The following LHFPL6 variants were observed in gnomAD, a reference collection of about 807,000 sequenced individuals.
The protein encoded by LHFPL6 is LHFPL tetraspan subfamily member 6.
In LHFPL6, 9 loss-of-function variants were observed where a neutral mutation model predicts 20.6. The ratio of observed to expected loss-of-function variants is 0.44; its 90% CI spans 0.26 to 0.76. The LOEUF (loss-of-function observed/expected upper bound fraction) is 0.76, where lower values mean the gene tolerates loss of function less well. Among genes scored for constraint, LHFPL6 ranks in the 30% least tolerant of loss-of-function variants. The probability of loss-of-function intolerance (pLI) is 0.20; values close to 1 mark genes in which losing one functional copy is unlikely to be tolerated. For synonymous variants in LHFPL6, 105 were observed against 98.7 expected (o/e 1.06, Z -0.38); for missense variants, 218 against 253.5 (o/e 0.86, Z 0.95).
intron 3 of LHFPL6, among the ~76,000 whole-genome samples, chr13:39,375,398 G>A (rs1870262192): frequency 6.6e-6 from 1 of 152,184 alleles, no homozygotes; most frequent in South Asian, 2.1e-4. Context: ...CATAGAGAGT[G>A]AACAGGGATG....
chr13:39,529,872 C>A (rs559383739), intron 2 of LHFPL6, among the ~76,000 whole-genome samples: 1 of 151,684 alleles, frequency 6.6e-6, no homozygotes, highest in Non-Finnish European at 1.5e-5. Flanking sequence ...CAACACAATG[C>A]GAAAGAAAAA....
intron 2 of LHFPL6, among the ~76,000 whole-genome samples, chr13:39,490,131 G>A (rs2138453057): frequency 6.6e-6 from 1 of 151,958 alleles, no homozygotes; most frequent in Non-Finnish European, 1.5e-5. Context: ...GAATTAAGAA[G>A]ATCCTATACA....
intron 2 of LHFPL6, among the ~76,000 whole-genome samples, chr13:39,584,228 G>C (rs1357595305): frequency 1.3e-5 from 2 of 152,112 alleles, no homozygotes. Context: ...AAATACATTT[G>C]TTGAATAAGT....
chr13:39,398,463 G>GTAAA (rs1204298887), intron 2 of LHFPL6, among the ~76,000 whole-genome samples: 1 of 152,146 alleles, frequency 6.6e-6, no homozygotes, highest in Non-Finnish European at 1.5e-5. Context: ...TCCCTAAAGG[G>GTAAA]TAAAGCCTTT....
intron 2 of LHFPL6, among the ~76,000 whole-genome samples, chr13:39,388,797 T>C (rs1221817663): frequency 6.6e-6 from 1 of 152,208 alleles, no homozygotes; most frequent in African/African-American, 2.4e-5. Flanking sequence ...CTTGGCATCA[T>C]GAAGTAGAAT....
At chr13:39,371,518 G>C (rs980722263) in intron 3 of LHFPL6, among the ~76,000 whole-genome samples, 3 of 152,164 alleles carry the variant, frequency 2.0e-5, no homozygotes, top group East Asian at 3.9e-4. Flanking sequence ...GCCAGATGCT[G>C]TGACACTATG....
intron 2 of LHFPL6, among the ~76,000 whole-genome samples, chr13:39,519,473 C>T (rs1377709861): frequency 9.2e-5 from 14 of 152,122 alleles, no homozygotes; most frequent in Non-Finnish European, 1.6e-4. Context: ...AAACGTTACA[C>T]GCATTAGTTT....
intron 2 of LHFPL6, among the ~76,000 whole-genome samples, chr13:39,379,541 T>C (rs1870384121): frequency 6.6e-6 from 1 of 152,152 alleles, no homozygotes. Context: ...GGAATGTATC[T>C]AGGAAAGGAG....
intron 2 of LHFPL6, among the ~76,000 whole-genome samples, chr13:39,543,846 T>A (rs1870888048): frequency 6.6e-6 from 1 of 152,192 alleles, no homozygotes; most frequent in Non-Finnish European, 1.5e-5. Context: ...TAATGCCAAT[T>A]TGTGTAAAGC....
chr13:39,502,459 A>C (rs1238295875), intron 2 of LHFPL6, among the ~76,000 whole-genome samples: 2 of 14,692 alleles, frequency 1.4e-4, no homozygotes, highest in East Asian at 6.6e-3. Context: ...TCTCTACAAA[A>C]AATTAAAAAA....
intron 3 of LHFPL6, among the ~76,000 whole-genome samples, chr13:39,352,864 T>C (rs1869608103): frequency 1.8e-5 from 1 of 55,362 alleles, no homozygotes; most frequent in African/African-American, 8.4e-5. Flanking sequence ...TATATATATG[T>C]GTATATATAT....
intron 2 of LHFPL6, among the ~76,000 whole-genome samples, chr13:39,519,467 G>A (rs17060145): frequency 0.011 from 1,709 of 152,202 alleles, 32 homozygotes; most frequent in African/African-American, 0.04. Flanking sequence ...TGTTAAAAAC[G>A]TTACACGCAT....
chr13:39,447,023 T>C (rs1000392938), intron 2 of LHFPL6, among the ~76,000 whole-genome samples: 1 of 152,218 alleles, frequency 6.6e-6, no homozygotes, highest in Non-Finnish European at 1.5e-5. Flanking sequence ...GACTATTAAA[T>C]GAACAAATTA....
chr13:39,543,582 C>T lies in LHFPL6; in HGVS notation c.385+57250G>A, dbSNP rs531130687. Among the ~76,000 whole-genome samples, 16 of 152,214 alleles carry T rather than the reference C, an allele frequency of 1.1e-4. No homozygotes were observed. The East Asian group carries it at 3.1e-3, about 29-fold the overall frequency. ...TTACTTTTGACCTGCCATTCATTTTCCCTGCATAAGACTAATGGATCTGGC... is the reference window on the plus strand; with the variant it reads ...TTACTTTTGACCTGCCATTCATTTTTCCTGCATAAGACTAATGGATCTGGC... On this transcript the variant is annotated intron_variant, in intron 2 of 3. Coordinates refer to ENST00000379589, the MANE Select transcript of LHFPL6 (RefSeq NM_005780.3).
chr13:39,453,410 T>C (rs371893306), intron 2 of LHFPL6, among the ~76,000 whole-genome samples: 4 of 152,356 alleles, frequency 2.6e-5, no homozygotes, highest in South Asian at 4.1e-4. Flanking sequence ...TATATCATGA[T>C]GGGCATTTAA....
chr13:39,541,897 G>A (rs964436921), intron 2 of LHFPL6, among the ~76,000 whole-genome samples: 2 of 151,652 alleles, frequency 1.3e-5, no homozygotes, highest in Non-Finnish European at 2.9e-5. Flanking sequence ...AGACCATCCT[G>A]GCTAACACAG....
At chr13:39,530,969 C>T (rs930495158) in intron 2 of LHFPL6, among the ~76,000 whole-genome samples, 4 of 151,354 alleles carry the variant, frequency 2.6e-5, no homozygotes, top group Non-Finnish European at 2.9e-5. Context: ...CAGCTTGCTA[C>T]AGATAGGGGA....
chr13:39,358,938 C>T (rs1322647351), intron 3 of LHFPL6, among the ~76,000 whole-genome samples: 6 of 151,932 alleles, frequency 3.9e-5, no homozygotes, highest in African/African-American at 7.3e-5. Flanking sequence ...TTTGGGAGGC[C>T]GAGGAGGGTG....
chr13:39,590,340 T>C (rs1872559290), intron 2 of LHFPL6, among the ~76,000 whole-genome samples: 1 of 152,220 alleles, frequency 6.6e-6, no homozygotes, highest in South Asian at 2.1e-4. Flanking sequence ...AAAAGCTCTG[T>C]GAAGTTCTGC....
Sources: gnomAD v4.1 joint callset for allele counts (sites outside exome capture counted in the v4.1 genomes callset) on GRCh38, gnomAD v4.1.1 for gene constraint, MANE v1.5 for transcripts, NCBI Gene and HGNC (gene_info 2026-07-23, HGNC 2026-07-21) for gene names.